Variants in ALDH9A1 observed in about 807,000 individuals in gnomAD.
ALDH9A1 encodes the protein 4-trimethylaminobutyraldehyde dehydrogenase.
Under a neutral mutation model 56.6 loss-of-function variants are expected in ALDH9A1, and 42 were observed. That is an observed-to-expected ratio of 0.74 (90% confidence interval 0.58 to 0.96). The LOEUF (loss-of-function observed/expected upper bound fraction) is 0.96. ALDH9A1 is among the 40% of genes least tolerant of loss of function. The probability of loss-of-function intolerance (pLI) is 0.00; values close to 1 mark genes in which losing one functional copy is unlikely to be tolerated. For missense variants in ALDH9A1, 661 were observed against 651.5 expected, an observed-to-expected ratio of 1.01 and a Z score of -0.16; for synonymous variants, 242 against 236.0, an observed-to-expected ratio of 1.03 and a Z score of -0.23.
Position 165,663,099 on chromosome 1 carries a change from T to A in ALDH9A1, c.1508A>T (p.Gln503Leu). The change falls in exon 11 of 11, where the codon CAG becomes CTG. Residue 503 changes from glutamine to leucine, a missense_variant. By Grantham distance (113) the Gln-to-Leu change is moderately radical. Transcript: ENST00000354775. ...NGRVTIEYYS[Q>L]LKTVCVEMGD... ...CATCTCCACACACACAGTCTTCAGC[T>A]GTGAATAATATTCGATTGTCACACG... 1 of 1,614,104 alleles carries A rather than the reference T, an allele frequency of 6.2e-7. No individual in the cohort carries two copies. The highest frequency in any genetic ancestry group is 8.5e-7 in the Non-Finnish European group (1 of 1,179,956).
intron 8 of ALDH9A1, among the ~76,000 whole-genome samples, chr1:165,667,667 T>C (rs1490371277): frequency 6.6e-6 from 1 of 152,176 alleles, no homozygotes; most frequent in Non-Finnish European, 1.5e-5. Flanking sequence ...ATTGTAAGCT[T>C]TTCCTATTTA....
intron 4 of ALDH9A1, among the ~76,000 whole-genome samples, chr1:165,681,231 T>C (rs563278660): frequency 6.6e-6 from 1 of 152,290 alleles, no homozygotes; most frequent in South Asian, 2.1e-4. Context: ...ATTAAACAGA[T>C]CCCAAACCCT....
intron 2 of ALDH9A1, among the ~76,000 whole-genome samples, chr1:165,685,662 A>C (rs561331455): frequency 6.6e-6 from 1 of 152,318 alleles, no homozygotes; most frequent in South Asian, 2.1e-4. Context: ...GTAGTGCAGG[A>C]GAGCTGGGTC....
At chr1:165,694,506 CT>C (rs397862813) in intron 2 of ALDH9A1, among the ~76,000 whole-genome samples, 3 of 73,854 alleles carry the variant, frequency 4.1e-5, no homozygotes, top group African/African-American at 8.4e-5. Context: ...GTTTAACTCT[CT>C]TTTTTTTAAA....
intron 2 of ALDH9A1, among the ~76,000 whole-genome samples, chr1:165,690,620 G>A (rs558563775): frequency 4.6e-5 from 7 of 152,184 alleles, no homozygotes; most frequent in Admixed American, 6.5e-5. Context: ...AAGGGAAGCC[G>A]TGACAGATGG....
At chr1:165,667,931 A>G (rs1293871355) in intron 8 of ALDH9A1, among the ~76,000 whole-genome samples, 2 of 152,176 alleles carry the variant, frequency 1.3e-5, no homozygotes, top group African/African-American at 4.8e-5. Context: ...AAAACTATCA[A>G]CATTTTTGTA....
intron 4 of ALDH9A1, among the ~76,000 whole-genome samples, chr1:165,681,631 T>A (rs994024956): frequency 6.6e-6 from 1 of 152,190 alleles, no homozygotes; most frequent in Non-Finnish European, 1.5e-5. Context: ...AGAAAACTAT[T>A]TTATGTCAAT....
rs1217668368 is a variant in ALDH9A1, at chr1:165,698,510, G to A, written c.49C>T (p.Leu17Phe). 1.2e-6 allele frequency: 2 copies of A among 1,610,978 alleles called. No homozygotes were observed. The highest frequency in any genetic ancestry group is 1.1e-5 in the South Asian group (1 of 90,760). The part of the protein sequence containing the change: ...LAALSPLLRS[L>F]RPSPVAAMST... ...ATGGCGGCGACAGGAGAGGGCCGAA[G>A]ACTGCGAAGAAGCGGGGAGAGCGCG... The change falls in exon 1 of 11, where the codon CTT (leucine) becomes TTT (phenylalanine). Residue 17 changes from leucine to phenylalanine, a missense_variant. Physicochemically the swap from Leu to Phe is conservative, Grantham distance 22. Transcript: ENST00000354775.
chr1:165,665,311 T>A lies in ALDH9A1; in HGVS notation c.1350-181A>T, dbSNP rs149039729. The stretch of plus-strand genomic sequence containing the variant: ...ATATGGATTGGGTTTTATAGTCCCA[T>A]GCACATGGTATCTTTAAAATAAGTA... On this transcript the variant is annotated intron_variant, in intron 9 of 10. Transcript: ENST00000354775. 1,751 of 566,760 alleles carry A rather than the reference T, an allele frequency of 3.1e-3. 31 individuals are homozygous for A. The highest frequency in any genetic ancestry group is 9.1e-4 in the Non-Finnish European group (289 of 318,704). The allele number at this position is 566,760 out of a possible 1,614,324, so 35.1% of individuals were successfully genotyped here. A position where few individuals can be genotyped will look rare whatever the true frequency, so the allele number is the denominator to read the frequency against.
chr1:165,686,507 GT>G (rs748997343), intron 2 of ALDH9A1, among the ~76,000 whole-genome samples: 9 of 136,244 alleles, frequency 6.6e-5, no homozygotes, highest in Admixed American at 7.2e-5. Flanking sequence ...AGAAGAAAAT[GT>G]TTTTTTTTTT....
intron 2 of ALDH9A1, 149 bp downstream of exon 2, chr1:165,695,103 G>T: frequency 2.4e-6 from 2 of 829,362 alleles, no homozygotes; most frequent in Non-Finnish European, 3.5e-6. Flanking sequence ...ACAAAAACTT[G>T]TTTTATATAC....
At position 165,679,474 on chromosome 1, in the gene ALDH9A1, C is replaced by T. The variant is rs1267385207; in HGVS notation, c.898G>A (p.Ala300Thr). 3.7e-6 allele frequency: 6 copies of T among 1,614,130 alleles called. No individual in the cohort carries two copies. In the East Asian group the frequency reaches 6.7e-5, roughly 18 times the overall value. Residue 300 changes from alanine to threonine, a missense_variant, in exon 6 of 11, where the codon GCG becomes ACG. Physicochemically the swap from Ala to Thr is moderately conservative, Grantham distance 58 (BLOSUM62 0). Transcript: ENST00000354775. ...DCDMNNAVKG[A>T]LMANFLTQGQ... ...TGTGTGAGGAAGTTGGCCATCAGCG[C>T]CCCCTTTACAGCATTGTTCATATCA...
At chr1:165,675,840 A>C (rs957663460) in intron 6 of ALDH9A1, among the ~76,000 whole-genome samples, 6 of 152,252 alleles carry the variant, frequency 3.9e-5, no homozygotes, top group African/African-American at 1.4e-4. Flanking sequence ...CTCACGCTGA[A>C]TATAAAAACA....
chr1:165,672,380 T>C (rs971055673), intron 6 of ALDH9A1, among the ~76,000 whole-genome samples: 2 of 152,124 alleles, frequency 1.3e-5, no homozygotes, highest in African/African-American at 4.8e-5. Context: ...CCTGAAGATA[T>C]TATACTAAGT....
intron 6 of ALDH9A1, among the ~76,000 whole-genome samples, chr1:165,678,540 T>C (rs1310844148): frequency 6.6e-6 from 1 of 152,108 alleles, no homozygotes; most frequent in African/African-American, 2.4e-5. Context: ...AAAATCACCA[T>C]TTGCAACCCC....
rs1031868821 is a variant in ALDH9A1 at position 165,698,274 on chromosome 1, T to C, written c.181+104A>G. 3.0e-5 allele frequency: 44 copies of C among 1,471,998 alleles called. 2 individuals are homozygous for C. In the South Asian group the frequency reaches 5.5e-4, roughly 18 times the overall value. The allele number at this position is 1,471,998 out of a possible 1,614,324, so 91.2% of individuals were successfully genotyped here. On this transcript the variant is annotated intron_variant, in intron 1 of 10. Coordinates refer to ENST00000354775, the MANE Select transcript of ALDH9A1 (RefSeq NM_000696.4). ...CCTTAGACTCTCCACTGTCACTGTC[T>C]TGTGCTCAAGTCAACGCTGCAGAAC... is the stretch of plus-strand genomic sequence containing the variant.
At chr1:165,666,310 G>T (rs903659754) in intron 9 of ALDH9A1, among the ~76,000 whole-genome samples, 2 of 152,114 alleles carry the variant, frequency 1.3e-5, no homozygotes, top group Admixed American at 1.3e-4. Flanking sequence ...TGATGAAAGT[G>T]TCCTAAAAAT....
chr1:165,677,946 T>C (rs1003239950), intron 6 of ALDH9A1, among the ~76,000 whole-genome samples: 22 of 151,556 alleles, frequency 1.5e-4, no homozygotes, highest in Non-Finnish European at 2.8e-4. Flanking sequence ...GGAGAATCAC[T>C]TGAACCCGAA....
chr1:165,697,385 T>C (rs750003795), intron 1 of ALDH9A1, among the ~76,000 whole-genome samples: 2 of 152,228 alleles, frequency 1.3e-5, no homozygotes, highest in Non-Finnish European at 2.9e-5. Flanking sequence ...AATGGATAAT[T>C]AGATTGACCG....
Sources: allele counts gnomAD v4.1 joint callset (sites outside exome capture counted in the v4.1 genomes callset), GRCh38; gene constraint gnomAD v4.1.1; transcripts MANE v1.5; gene names NCBI Gene and HGNC (gene_info 2026-07-23, HGNC 2026-07-21).